Variants in ADARB2 observed in about 807,000 individuals in gnomAD.
ADARB2 encodes inactive double-stranded RNA-specific editase B2.
Under a neutral mutation model 62.2 loss-of-function variants are expected in ADARB2, and 25 were observed. The ratio of observed to expected loss-of-function variants is 0.40; its 90% CI spans 0.29 to 0.56. ADARB2 has a LOEUF of 0.56. Among genes scored for constraint, ADARB2 ranks in the 20% least tolerant of loss-of-function variants. The pLI, the probability that ADARB2 is intolerant of heterozygous loss-of-function variation, is 0.43. For missense variants in ADARB2, 1,071 were observed against 1,077.4 expected, an observed-to-expected ratio of 0.99 and a Z score of 0.08; for synonymous variants, 572 against 500.8, an observed-to-expected ratio of 1.14 and a Z score of -1.90.
At chr10:1,206,933 G>A (rs1837075772) in intron 7 of ADARB2, among the ~76,000 whole-genome samples, 1 of 152,242 alleles carries the variant, frequency 6.6e-6, no homozygotes, top group Non-Finnish European at 1.5e-5. Flanking sequence ...GAGGTCGGTG[G>A]TGCTGGTGCA....
chr10:1,652,891 C>T (rs757060675), intron 1 of ADARB2, among the ~76,000 whole-genome samples: 9 of 152,106 alleles, frequency 5.9e-5, no homozygotes, highest in Non-Finnish European at 8.8e-5. Flanking sequence ...TGGAAGGGTG[C>T]GTGTGTGCAG....
At chr10:1,492,710 C>T (rs1208612524) in intron 1 of ADARB2, among the ~76,000 whole-genome samples, 5 of 151,986 alleles carry the variant, frequency 3.3e-5, no homozygotes, top group Non-Finnish European at 7.4e-5. Context: ...CAGGGAGTGT[C>T]CCGGGTGCTG....
chr10:1,252,074 T>C (rs944550752), intron 4 of ADARB2, among the ~76,000 whole-genome samples: 1 of 152,182 alleles, frequency 6.6e-6, no homozygotes, highest in African/African-American at 2.4e-5. Flanking sequence ...ACATTACCCA[T>C]CTCTAGACAA....
At chr10:1,690,121 T>C (rs1834650202) in intron 1 of ADARB2, among the ~76,000 whole-genome samples, 3 of 152,240 alleles carry the variant, frequency 2.0e-5, no homozygotes, top group Admixed American at 2.0e-4. Context: ...CAAAAGCCAC[T>C]ATAAAAAAGC....
intron 6 of ADARB2, among the ~76,000 whole-genome samples, chr10:1,224,160 T>C (rs552250303): frequency 9.2e-5 from 14 of 152,342 alleles, no homozygotes; most frequent in Middle Eastern, 3.4e-3. Flanking sequence ...TGGGAGGATG[T>C]ATGTGTCGAG....
chr10:1,195,501 G>A (rs944224963), intron 8 of ADARB2, among the ~76,000 whole-genome samples: 15 of 151,894 alleles, frequency 9.9e-5, no homozygotes, highest in African/African-American at 3.6e-4. Context: ...GGCCTGGGTG[G>A]GAGAGCACAT....
intron 7 of ADARB2, among the ~76,000 whole-genome samples, chr10:1,206,275 G>C (rs148145748): frequency 6.6e-6 from 1 of 152,162 alleles, no homozygotes; most frequent in South Asian, 2.1e-4. Context: ...TCCTTAAGCC[G>C]GCTACCTGCG....
intron 1 of ADARB2, among the ~76,000 whole-genome samples, chr10:1,548,860 A>C (rs1187082921): frequency 6.6e-6 from 1 of 152,182 alleles, no homozygotes; most frequent in Non-Finnish European, 1.5e-5. Context: ...CTGGGCTGAC[A>C]GTTTTATTAA....
At chr10:1,565,590 A>G (rs1043018101) in intron 1 of ADARB2, among the ~76,000 whole-genome samples, 2 of 152,136 alleles carry the variant, frequency 1.3e-5, no homozygotes. Flanking sequence ...AAGGCGTCTG[A>G]CTTCTGCCAC....
intron 1 of ADARB2, among the ~76,000 whole-genome samples, chr10:1,736,438 C>T (rs1185115990): frequency 1.3e-5 from 2 of 152,204 alleles, no homozygotes; most frequent in Non-Finnish European, 2.9e-5. Context: ...CGGTTTTTTT[C>T]TACCACTAAC....
chr10:1,723,912 T>G (rs1835129661), intron 1 of ADARB2, among the ~76,000 whole-genome samples: 1 of 152,194 alleles, frequency 6.6e-6, no homozygotes, highest in African/African-American at 2.4e-5. Flanking sequence ...TTATGAATTT[T>G]CTGGCCCTTA....
At chr10:1,483,072 A>C (rs1028800604) in intron 1 of ADARB2, among the ~76,000 whole-genome samples, 1 of 152,042 alleles carries the variant, frequency 6.6e-6, no homozygotes, top group Non-Finnish European at 1.5e-5. Flanking sequence ...CATCCTAGTA[A>C]CTGAGTTCAA....
At chr10:1,286,070 CG>C (rs895157293) in intron 3 of ADARB2, among the ~76,000 whole-genome samples, 1 of 8,468 alleles carries the variant, frequency 1.2e-4, no homozygotes, top group Non-Finnish European at 2.3e-4. Context: ...ACAGCGGGGG[CG>C]GGTGGTGGGG....
At chr10:1,316,288 G>A (rs767847963) in intron 3 of ADARB2, among the ~76,000 whole-genome samples, 9 of 152,268 alleles carry the variant, frequency 5.9e-5, no homozygotes, top group Non-Finnish European at 1.3e-4. Flanking sequence ...GTGCCAGGCT[G>A]CTGGGCTTGG....
chr10:1,184,973 C>T lies in ADARB2; in HGVS notation c.1931G>A (p.Gly644Asp), dbSNP rs777784484. The T allele has an allele frequency of 1.9e-6, 3 of 1,613,704 alleles. No homozygotes were observed. The highest frequency in any genetic ancestry group is 1.7e-6 in the Non-Finnish European group (2 of 1,180,024). ...GTTGATAATCTCCAGGTCCGCGCTGCCCACGACCCAGTTCATGCTGAAGGG... is the reference window on the plus strand; with the variant it reads ...GTTGATAATCTCCAGGTCCGCGCTGTCCACGACCCAGTTCATGCTGAAGGG... ...SPPFSMNWVV[G>D]SADLEIINAT... The change falls in exon 9 of 10, where the codon GGC becomes GAC. Residue 644 changes from glycine to aspartate, a missense_variant. Gly to Asp is a moderately conservative substitution (Grantham distance 94). Coordinates refer to ENST00000381312, the MANE Select transcript of ADARB2 (RefSeq NM_018702.4).
chr10:1,200,184 A>G lies in ADARB2; in HGVS notation c.1683-37T>C, dbSNP rs1836966761. 5 of 1,550,206 alleles carry G rather than the reference A, an allele frequency of 3.2e-6. No homozygotes were observed. The African/African-American group carries it at 4.1e-5, about 13-fold the overall frequency. On this transcript the variant is annotated intron_variant, in intron 7 of 9. Coordinates refer to ENST00000381312, the MANE Select transcript of ADARB2 (RefSeq NM_018702.4). ...GCCAGCAGTCAGCGGAGCCCCACCC[A>G]GGAGCCCAGGGAGCCTGGTCCTCTC...
chr10:1,268,495 T>G (rs911237895), intron 4 of ADARB2, among the ~76,000 whole-genome samples: 1 of 152,142 alleles, frequency 6.6e-6, no homozygotes, highest in Non-Finnish European at 1.5e-5. Context: ...GAGGGGCAAA[T>G]CAAATTGTGT....
chr10:1,267,473 C>T (rs1183226371), intron 4 of ADARB2, among the ~76,000 whole-genome samples: 1 of 152,176 alleles, frequency 6.6e-6, no homozygotes, highest in Non-Finnish European at 1.5e-5. Flanking sequence ...GAGCAGGACG[C>T]CGGGTCTGCA....
intron 1 of ADARB2, among the ~76,000 whole-genome samples, chr10:1,631,319 C>G (rs151293030): frequency 1.4e-3 from 210 of 152,128 alleles, no homozygotes; most frequent in Admixed American, 6.2e-3. Flanking sequence ...ACAGGCTGGA[C>G]GCGGCAGGGA....
Sources: allele counts gnomAD v4.1 joint callset (sites outside exome capture counted in the v4.1 genomes callset), GRCh38; gene constraint gnomAD v4.1.1; transcripts MANE v1.5; gene names NCBI Gene and HGNC (gene_info 2026-07-23, HGNC 2026-07-21).